MPDZ: variants seen among roughly 807,000 people sequenced by gnomAD.
The protein encoded by MPDZ is multiple PDZ domain crumbs cell polarity complex component, also known as multiple PDZ domain protein.
Under a neutral mutation model 239.1 loss-of-function variants are expected in MPDZ, and 234 were observed. The observed-to-expected ratio is 0.98, with a 90% confidence interval of 0.88 to 1.09. The LOEUF is 1.09. Among genes scored for constraint, MPDZ ranks in the 50% least tolerant of loss-of-function variants. The pLI is 0.00. For missense variants in MPDZ, 3,175 were observed against 2,510.0 expected (o/e 1.26, Z -5.66); for synonymous variants, 1,048 against 881.3 (o/e 1.19, Z -3.35).
chr9:13,190,209 C>A lies in MPDZ; in HGVS notation c.2059G>T (p.Val687Phe). The A allele has an allele frequency of 1.2e-6, 2 of 1,613,218 alleles. No individual in the cohort carries two copies. Among genetic ancestry groups the A allele is most frequent in the Non-Finnish European group, 8.5e-7 (1 of 1,179,554 alleles). Residue 687 changes from valine to phenylalanine, a missense_variant, in exon 16 of 47, where the codon GTT becomes TTT. Physicochemically the swap from Val to Phe is conservative, Grantham distance 50. Coordinates refer to ENST00000319217, the MANE Select transcript of MPDZ (RefSeq NM_001378778.1). ...MTDAGQSTEEVQAPLAMWEAG... is the reference protein window; with the variant it reads ...MTDAGQSTEEFQAPLAMWEAG... ...TCCCACATGGCCAAAGGTGCTTGAA[C>A]CTCTTCTGTACTCTGACCCGCATCA...
At chr9:13,115,967 A>AT (rs1943374539) in intron 39 of MPDZ, among the ~76,000 whole-genome samples, 1 of 151,236 alleles carries the variant, frequency 6.6e-6, no homozygotes, top group African/African-American at 2.4e-5. Context: ...AAAAAAAAAA[A>AT]AAAAAAGCGA....
intron 38 of MPDZ, chr9:13,120,339 C>A (rs947476493): frequency 1.3e-5 from 2 of 152,162 alleles, no homozygotes; most frequent in South Asian, 4.1e-4. Flanking sequence ...CTTGTTCTTG[C>A]CAAGGTCATG....
At chr9:13,134,825 C>A (rs545633145) in intron 31 of MPDZ, 2 of 152,346 alleles carry the variant, frequency 1.3e-5, no homozygotes, top group Non-Finnish European at 2.9e-5. Flanking sequence ...TGCTACATGG[C>A]AGCATGTAGA....
At chr9:13,113,090 A>G (rs780165815) in intron 41 of MPDZ, 36 bp from the exon 42 acceptor site, 63 of 1,503,598 alleles carry the variant, frequency 4.2e-5, no homozygotes, top group Non-Finnish European at 5.7e-5. Context: ...GGGTTATTTT[A>G]TGTTCATTCA....
intron 3 of MPDZ, 98 bp downstream of exon 3, chr9:13,247,537 C>T: frequency 7.6e-7 from 1 of 1,323,488 alleles, no homozygotes; most frequent in East Asian, 2.4e-5. Context: ...ATTAACTATT[C>T]ATTAACACAT....
intron 26 of MPDZ, among the ~76,000 whole-genome samples, chr9:13,144,260 A>C (rs755361165): frequency 2.6e-5 from 4 of 152,040 alleles, no homozygotes; most frequent in Non-Finnish European, 5.9e-5. Flanking sequence ...TGGAGAATTT[A>C]TGAGGCTTTA....
chr9:13,133,427 T>C (rs1023218256), intron 32 of MPDZ, among the ~76,000 whole-genome samples: 1 of 152,216 alleles, frequency 6.6e-6, no homozygotes, highest in Non-Finnish European at 1.5e-5. Context: ...ATGAGCTTTC[T>C]TATTTTTAAA....
intron 25 of MPDZ, among the ~76,000 whole-genome samples, chr9:13,149,410 A>C (rs1202152639): frequency 6.6e-6 from 1 of 152,082 alleles, no homozygotes; most frequent in Non-Finnish European, 1.5e-5. Context: ...AGTAAATATA[A>C]TGGTCATTAC....
chr9:13,186,861 T>C (rs1954177098), intron 17 of MPDZ, among the ~76,000 whole-genome samples: 1 of 152,166 alleles, frequency 6.6e-6, no homozygotes, highest in South Asian at 2.1e-4. Context: ...AGAATATTAT[T>C]TTAAAGAATC....
intron 22 of MPDZ, among the ~76,000 whole-genome samples, chr9:13,166,693 A>T (rs778895761): frequency 6.6e-6 from 1 of 152,092 alleles, no homozygotes; most frequent in Non-Finnish European, 1.5e-5. Flanking sequence ...GTACTTATGA[A>T]GCTAGCTCTC....
chr9:13,238,667 C>G (rs1416495833), intron 3 of MPDZ, among the ~76,000 whole-genome samples: 1 of 152,072 alleles, frequency 6.6e-6, no homozygotes, highest in Non-Finnish European at 1.5e-5. Context: ...AAGAAAACTC[C>G]ACAAATTTTG....
At chr9:13,220,740 A>G (rs1475881197) in intron 7 of MPDZ, among the ~76,000 whole-genome samples, 1 of 152,052 alleles carries the variant, frequency 6.6e-6, no homozygotes, top group African/African-American at 2.4e-5. Flanking sequence ...ATGTATAAAC[A>G]ACCACTTTAT....
chr9:13,254,171 T>G (rs995294245), intron 1 of MPDZ, among the ~76,000 whole-genome samples: 1 of 152,204 alleles, frequency 6.6e-6, no homozygotes, highest in Non-Finnish European at 1.5e-5. Context: ...TGAAATGGAA[T>G]AGACTGTTGT....
chr9:13,121,718 G>A (rs766170299), intron 38 of MPDZ, 21 bp downstream of exon 38: 4 of 1,612,948 alleles, frequency 2.5e-6, no homozygotes, highest in Non-Finnish European at 8.5e-7. Flanking sequence ...GGAGCATTGG[G>A]TTTGTCCTCC....
chr9:13,185,027 C>G (rs1406041967), intron 18 of MPDZ, among the ~76,000 whole-genome samples: 2 of 151,958 alleles, frequency 1.3e-5, no homozygotes, highest in African/African-American at 4.8e-5. Context: ...TAGAAATAAT[C>G]ATATATAGTA....
chr9:13,166,639 T>G (rs187895888), intron 22 of MPDZ, among the ~76,000 whole-genome samples: 10 of 152,140 alleles, frequency 6.6e-5, no homozygotes, highest in East Asian at 1.9e-4. Flanking sequence ...TTAAAATAAT[T>G]TAAGATTCTA....
chr9:13,245,366 A>C, intron 3 of MPDZ, among the ~76,000 whole-genome samples: 1 of 151,868 alleles, frequency 6.6e-6, no homozygotes. Context: ...AATGATTTTA[A>C]ACAAAAGAAA....
At chr9:13,165,325 T>C (rs1587428026) in intron 22 of MPDZ, 1 of 1,542,434 alleles carries the variant, frequency 6.5e-7, no homozygotes. Context: ...AGACAAGTTG[T>C]AACACACAGC....
At position 13,192,131 on chromosome 9, in the gene MPDZ, C is replaced by G. The variant is rs1249011398; in HGVS notation, c.1968G>C (p.Lys656Asn). 2 of 1,587,728 alleles carry G rather than the reference C, an allele frequency of 1.3e-6. No individual in the cohort carries two copies. Among genetic ancestry groups the G allele is most frequent in the African/African-American group, 1.3e-5 (1 of 74,352 alleles). The change falls in exon 15 of 47, where the codon AAG becomes AAC. Residue 656 changes from lysine to asparagine, a missense_variant and splice_region_variant. Transcript: ENST00000319217. ...AGCCTCATGTATGCAAATCTGATAC[C>G]TTTTCTGTTAGCTCAATATCACATA... ...LDLCDIELTE[K>N]PHVDLGEFIG...
Sources: gnomAD v4.1 joint callset for allele counts (sites outside exome capture counted in the v4.1 genomes callset) on GRCh38, gnomAD v4.1.1 for gene constraint, MANE v1.5 for transcripts, NCBI Gene and HGNC (gene_info 2026-07-23, HGNC 2026-07-21) for gene names.